Variants in NDE1 observed in about 807,000 individuals in gnomAD.
NDE1 encodes the protein nudE neurodevelopment protein 1.
A neutral mutation model predicts 43.4 loss-of-function variants in NDE1; 28 were observed. The observed-to-expected ratio is 0.65, with a 90% CI of 0.48 to 0.89. The LOEUF (loss-of-function observed/expected upper bound fraction) is 0.89. Among genes scored for constraint, NDE1 ranks in the 40% least tolerant of loss-of-function variants. The pLI, the probability that NDE1 is intolerant of heterozygous loss-of-function variation, is 0.00. For missense variants in NDE1, 441 were observed against 434.1 expected, an observed-to-expected ratio of 1.02 and a Z score of -0.14; for synonymous variants, 184 against 172.0, an observed-to-expected ratio of 1.07 and a Z score of -0.55.
At chr16:15,672,452 CAG>C (rs1445230721) in intron 3 of NDE1, among the ~76,000 whole-genome samples, 2 of 152,052 alleles carry the variant, frequency 1.3e-5, no homozygotes, top group Admixed American at 6.6e-5. Flanking sequence ...AGTGAAGAAA[CAG>C]GGTACCTTGG....
chr16:15,652,390 C>G (rs1231811719), intron 1 of NDE1, among the ~76,000 whole-genome samples: 1 of 152,154 alleles, frequency 6.6e-6, no homozygotes, highest in Non-Finnish European at 1.5e-5. Context: ...AATTGACACT[C>G]CTTTTCCTCA....
chr16:15,661,217 C>T (rs181169455), intron 1 of NDE1, among the ~76,000 whole-genome samples: 25 of 148,648 alleles, frequency 1.7e-4, no homozygotes, highest in Admixed American at 6.1e-4. Flanking sequence ...GGCGCCATCT[C>T]GGCTCACTGC....
intron 3 of NDE1, among the ~76,000 whole-genome samples, chr16:15,669,003 C>T (rs1436318473): frequency 6.8e-6 from 1 of 147,934 alleles, no homozygotes; most frequent in Non-Finnish European, 1.5e-5. Context: ...AGGTTCACAC[C>T]ATTCTCCTGC....
intron 5 of NDE1, 92 bp from the exon 6 acceptor site, chr16:15,691,052 C>T (rs2038723813): frequency 6.6e-7 from 1 of 1,519,102 alleles, no homozygotes; most frequent in African/African-American, 1.4e-5. Context: ...AGGCGATCCA[C>T]CTGCCTTGGC....
intron 6 of NDE1, among the ~76,000 whole-genome samples, chr16:15,693,682 G>A (rs1042744390): frequency 2.6e-5 from 4 of 152,078 alleles, no homozygotes; most frequent in Non-Finnish European, 4.4e-5. Context: ...GCTCACGCCC[G>A]TAATCCCAGC....
At chr16:15,658,123 C>T (rs2036861464) in intron 1 of NDE1, among the ~76,000 whole-genome samples, 1 of 152,216 alleles carries the variant, frequency 6.6e-6, no homozygotes, top group Non-Finnish European at 1.5e-5. Flanking sequence ...TTTGGCTTCA[C>T]TCTGAGGCAG....
intron 8 of NDE1, among the ~76,000 whole-genome samples, chr16:15,697,581 C>T (rs8051694): frequency 1.7e-3 from 253 of 152,106 alleles, no homozygotes; most frequent in African/African-American, 5.9e-3. Context: ...GGCATGGTAG[C>T]ATGTGCCTAT....
chr16:15,643,779 A>G (rs1010718083), exon 1 of NDE1: 2 of 161,670 alleles, frequency 1.2e-5, no homozygotes, highest in Non-Finnish European at 2.7e-5. Flanking sequence ...GTGTGCAAAG[A>G]CTCAACTGGA....
intron 8 of NDE1, among the ~76,000 whole-genome samples, chr16:15,712,042 G>A (rs2039829653): frequency 6.6e-6 from 1 of 152,124 alleles, no homozygotes; most frequent in Non-Finnish European, 1.5e-5. Context: ...TAGATGGGAT[G>A]TGGGGTATAA....
chr16:15,686,887 C>A, intron 4 of NDE1: 1 of 718,584 alleles, frequency 1.4e-6, no homozygotes, highest in Non-Finnish European at 1.7e-6. Context: ...CAGGATTTTG[C>A]CATTTGCCCA....
chr16:15,646,831 A>C (rs1449126860), upstream of NDE1, among the ~76,000 whole-genome samples: 1 of 152,002 alleles, frequency 6.6e-6, no homozygotes, highest in Non-Finnish European at 1.5e-5. Context: ...CGGGTGGAGC[A>C]CTTGAGGTCA....
At chr16:15,687,543 G>A (rs2038501539) in intron 5 of NDE1, 32 bp downstream of exon 5, 1 of 1,582,668 alleles carries the variant, frequency 6.3e-7, no homozygotes, top group South Asian at 1.1e-5. Flanking sequence ...CACCAGCATG[G>A]TCCCCTCTCC....
chr16:15,724,099 G>A, intron 8 of NDE1, 92 bp from the exon 9 acceptor site: 4 of 1,607,964 alleles, frequency 2.5e-6, no homozygotes. Context: ...GTCATACTCT[G>A]CAGAGCTGAT....
At position 15,724,638 on chromosome 16, in the gene NDE1, G is replaced by A. The variant is rs763749557; in HGVS notation, c.*387G>A. On this transcript the variant is annotated 3_prime_UTR_variant, in exon 9 of 9. Transcript: ENST00000396354. Reference sequence around the variant, plus strand: ...ACCCATGAAGGAAGCAAGGACACGGGGCAGGCACCTGGATGTTGAGAGTGG... The same window carrying A: ...ACCCATGAAGGAAGCAAGGACACGGAGCAGGCACCTGGATGTTGAGAGTGG... 9 of 1,613,898 alleles carry A rather than the reference G, an allele frequency of 5.6e-6. No individual in the cohort carries two copies. The South Asian group carries it at 6.6e-5, about 12-fold the overall frequency.
intron 1 of NDE1, among the ~76,000 whole-genome samples, chr16:15,658,832 C>A (rs2036899614): frequency 6.6e-6 from 1 of 151,958 alleles, no homozygotes; most frequent in South Asian, 2.1e-4. Context: ...AATTTTTGTG[C>A]TTTTAGTGTA....
chr16:15,718,542 G>A (rs759616825), intron 8 of NDE1: 45 of 1,444,074 alleles, frequency 3.1e-5, no homozygotes, highest in Admixed American at 6.6e-5. Context: ...ATCATCTAAT[G>A]GGTGAAACTG....
chr16:15,694,438 T>G, intron 7 of NDE1, 182 bp downstream of exon 7: 4 of 1,448,546 alleles, frequency 2.8e-6, no homozygotes, highest in Non-Finnish European at 3.7e-6. Flanking sequence ...CTCAAAATCC[T>G]GGGTTCAAGC....
rs749768828 is a variant in NDE1 at position 15,694,188 on chromosome 16, AC to A, written c.733del (p.Leu245SerfsTer113). 4 of 1,611,762 alleles carry A rather than the reference AC, an allele frequency of 2.5e-6. No individual in the cohort carries two copies. Among genetic ancestry groups the A allele is most frequent in the Non-Finnish European group, 2.5e-6 (3 of 1,179,756 alleles). ...AGGCCTGGACGACTCCACCGGGGGG[AC>A]CCCCCTCACACCTGCGGCCCGGATA... ...RRGLDDSTGG[T>X]PLTPAARISA... On this transcript the variant is annotated frameshift_variant, in exon 7 of 9. Coordinates refer to ENST00000396354, the MANE Select transcript of NDE1 (RefSeq NM_017668.3). LOFTEE classifies it high-confidence loss of function.
At chr16:15,697,167 C>A in intron 8 of NDE1, 1 of 654,278 alleles carries the variant, frequency 1.5e-6, no homozygotes, top group Non-Finnish European at 1.9e-6. Flanking sequence ...CTCAGTCCCC[C>A]GAGTAGCTGG....
Sources: allele counts gnomAD v4.1 joint callset (sites outside exome capture counted in the v4.1 genomes callset), GRCh38; gene constraint gnomAD v4.1.1; transcripts MANE v1.5; gene names NCBI Gene and HGNC (gene_info 2026-07-23, HGNC 2026-07-21).